The following TRMT44 variants were observed in gnomAD, a reference collection of about 807,000 sequenced individuals.
TRMT44 encodes the protein tRNA methyltransferase 44 homolog.
A neutral mutation model predicts 77.3 loss-of-function variants in TRMT44; 78 were observed. That is an observed-to-expected ratio of 1.01 (90% CI 0.84 to 1.22). The LOEUF (loss-of-function observed/expected upper bound fraction) is 1.22, where lower values mean the gene tolerates loss of function less well. TRMT44 is among the 50% of genes most tolerant of loss of function. TRMT44 has a pLI of 0.00. For missense variants in TRMT44, 1,090 were observed against 964.4 expected (o/e 1.13, Z -1.73); for synonymous variants, 391 against 383.3 (o/e 1.02, Z -0.23).
downstream of TRMT44, among the ~76,000 whole-genome samples, chr4:8,497,026 G>A (rs1283197147): frequency 1.3e-5 from 2 of 151,648 alleles, no homozygotes; most frequent in African/African-American, 4.8e-5. Context: ...GCAAGGCAAG[G>A]GCTAAAAAGA....
chr4:8,459,826 G>A (rs569890646), intron 6 of TRMT44, among the ~76,000 whole-genome samples: 6 of 152,358 alleles, frequency 3.9e-5, no homozygotes, highest in Non-Finnish European at 8.8e-5. Context: ...ATGGTCATGG[G>A]AAGGGGTGGG....
intron 9 of TRMT44, among the ~76,000 whole-genome samples, chr4:8,469,973 A>G (rs566790228): frequency 5.3e-5 from 8 of 152,328 alleles, no homozygotes; most frequent in Non-Finnish European, 1.2e-4. Flanking sequence ...TGCCCTCAAG[A>G]GGCTCCAAGT....
the TRMT44 span, among the ~76,000 whole-genome samples, chr4:8,500,681 G>C: frequency 6.7e-6 from 1 of 148,576 alleles, no homozygotes; most frequent in African/African-American, 2.5e-5. Flanking sequence ...TTTTGAGGCA[G>C]AGTCTCACTC....
chr4:8,513,786 C>T, the TRMT44 span, among the ~76,000 whole-genome samples: 4 of 152,174 alleles, frequency 2.6e-5, no homozygotes, highest in East Asian at 7.7e-4. Flanking sequence ...AAAGGTGTCT[C>T]ATCTTGATCA....
In TRMT44 at chr4:8,475,955, C is replaced by G. The variant is rs34867053; in HGVS notation, c.2228C>G (p.Ala743Gly). The G allele has an allele frequency of 6.8e-6, 11 of 1,613,988 alleles. No homozygotes were observed. In the Admixed American group the frequency reaches 1.0e-4, roughly 15 times the overall value. ...TGCTGCCCGTTTGCCCATGGGCCTG[C>G]GGAGCTGCGGCCACCCCGGACCACC... ...TDCCPFAHGPAELRPPRTTPR... is the reference protein window; with the variant it reads ...TDCCPFAHGPGELRPPRTTPR... Residue 743 changes from alanine to glycine, a missense_variant, in exon 11 of 11, where the codon GCG (alanine) becomes GGG (glycine). Coordinates refer to ENST00000389737, the MANE Select transcript of TRMT44 (RefSeq NM_152544.3).
chr4:8,466,661 T>A (rs1359363859), intron 8 of TRMT44, among the ~76,000 whole-genome samples: 1 of 152,234 alleles, frequency 6.6e-6, no homozygotes, highest in African/African-American at 2.4e-5. Context: ...CTGCTAAAGT[T>A]TGGGTCCTCT....
In TRMT44 at chr4:8,446,201, T is replaced by C. The variant is rs995355712; in HGVS notation, c.620-275T>C. ...TCTGATTGTAGCTCTCAAGTTCCAATAGAGTCCACATTGGCTGGCTCTTCC... is the reference window on the plus strand; with the variant it reads ...TCTGATTGTAGCTCTCAAGTTCCAACAGAGTCCACATTGGCTGGCTCTTCC... On this transcript the variant is annotated intron_variant, in intron 1 of 10. Transcript: ENST00000389737. The surrounding 1 kb of genome is among the most constrained non-coding windows in gnomAD (Gnocchi z 4.3). Among the ~76,000 whole-genome samples the C allele has an allele frequency of 3.9e-5, 6 of 152,192 alleles. No individual in the cohort carries two copies. The highest frequency in any genetic ancestry group is 1.4e-4 in the African/African-American group (6 of 41,444).
chr4:8,457,358 G>A (rs1004244634), intron 6 of TRMT44, among the ~76,000 whole-genome samples: 23 of 152,164 alleles, frequency 1.5e-4, no homozygotes, highest in African/African-American at 5.5e-4. Context: ...GTTTCATCAA[G>A]GCTTTGTCTC....
rs369953073 is a variant in TRMT44 at position 8,468,013 on chromosome 4, G to A, written c.1594G>A (p.Val532Ile). ...CATTAAGAGCAGGCGGGGCTGCCCT[G>A]TAAGCCCACCTGGCTGGGAGCTTTC... is the stretch of plus-strand genomic sequence containing the variant. ...QYIKSRRGCP[V>I]SPPGWELSPS... Residue 532 changes from valine to isoleucine, a missense_variant, in exon 9 of 11, where the codon GTA becomes ATA. Coordinates refer to ENST00000389737, the MANE Select transcript of TRMT44 (RefSeq NM_152544.3). The A allele has an allele frequency of 1.2e-6, 2 of 1,613,954 alleles. No individual in the cohort carries two copies. Among genetic ancestry groups the A allele is most frequent in the African/African-American group, 1.3e-5 (1 of 74,952 alleles).
intron 7 of TRMT44, among the ~76,000 whole-genome samples, chr4:8,465,084 G>T (rs1360431600): frequency 6.6e-6 from 1 of 152,012 alleles, no homozygotes; most frequent in South Asian, 2.1e-4. Flanking sequence ...TGAGGGAGAG[G>T]GCAGAGTTTG....
the TRMT44 span, among the ~76,000 whole-genome samples, chr4:8,514,324 G>A: frequency 1.4e-5 from 2 of 144,140 alleles, no homozygotes; most frequent in East Asian, 4.1e-4. Context: ...GTGTGATCTC[G>A]GCTCACTGCA....
the TRMT44 span, among the ~76,000 whole-genome samples, chr4:8,505,965 C>CTTA: frequency 6.6e-6 from 1 of 152,230 alleles, no homozygotes; most frequent in Non-Finnish European, 1.5e-5. Context: ...GACTCCCCAA[C>CTTA]CATGTGGAAC....
In TRMT44 at chr4:8,471,071, C is replaced by T. The variant is rs763581223; in HGVS notation, c.1928-13C>T. 2.4e-5 allele frequency: 37 copies of T among 1,566,018 alleles called. No individual in the cohort carries two copies. Among genetic ancestry groups the T allele is most frequent in the East Asian group, 4.5e-5 (2 of 44,362 alleles). On this transcript the variant is annotated splice_polypyrimidine_tract_variant and intron_variant, in intron 9 of 10. Coordinates refer to ENST00000389737, the MANE Select transcript of TRMT44 (RefSeq NM_152544.3). ...TGTTGTTTTGGGGAAAAAAAAAACCCGTTTTTCCACAGAGAGCCTATCTCT... is the reference window on the plus strand; with the variant it reads ...TGTTGTTTTGGGGAAAAAAAAAACCTGTTTTTCCACAGAGAGCCTATCTCT...
chr4:8,507,675 A>T, the TRMT44 span, among the ~76,000 whole-genome samples: 2 of 152,098 alleles, frequency 1.3e-5, no homozygotes, highest in African/African-American at 4.8e-5. Flanking sequence ...GCTTGCTGGG[A>T]TCCTGGGTCC....
the TRMT44 span, among the ~76,000 whole-genome samples, chr4:8,514,306 G>C: frequency 1.4e-5 from 2 of 147,678 alleles, no homozygotes; most frequent in South Asian, 2.1e-4. Context: ...TCAGGCTGGA[G>C]TGCAGTGGTG....
At chr4:8,493,932 C>A (rs1325229663), downstream of TRMT44, among the ~76,000 whole-genome samples, 1 of 150,330 alleles carries the variant, frequency 6.7e-6, no homozygotes, top group South Asian at 2.2e-4. Flanking sequence ...ATGACTCTTA[C>A]TGGTCTCTTA....
chr4:8,475,691 C>T (rs1034089623), intron 10 of TRMT44, 81 bp from the exon 11 acceptor site: 93 of 1,344,732 alleles, frequency 6.9e-5, no homozygotes, highest in East Asian at 6.0e-4. Context: ...CCTCCCGTGG[C>T]GTGGGAGCTA....
rs1727378387 is a variant in TRMT44, at chr4:8,476,258, T to C, written c.*257T>C. 7.3e-6 allele frequency: 4 copies of C among 545,590 alleles called. No homozygotes were observed. In the East Asian group the frequency reaches 1.2e-4, roughly 17 times the overall value. 33.8% of individuals were successfully genotyped at this position (545,590 alleles called of 1,614,324 possible). ...TTGAAACGTGCGCAGCATCTTCATA[T>C]CATAAAGATTGTGCACGGATCCTTA... On this transcript the variant is annotated 3_prime_UTR_variant, in exon 11 of 11. Coordinates refer to ENST00000389737, the MANE Select transcript of TRMT44 (RefSeq NM_152544.3).
the TRMT44 span, among the ~76,000 whole-genome samples, chr4:8,502,623 CTTG>C: frequency 1.3e-5 from 2 of 151,902 alleles, no homozygotes; most frequent in Admixed American, 6.6e-5. Flanking sequence ...TGGCCAGAGA[CTTG>C]TTGTGCCTCA....
Sources: allele counts gnomAD v4.1 joint callset (sites outside exome capture counted in the v4.1 genomes callset), GRCh38; gene constraint gnomAD v4.1.1; non-coding constraint Gnocchi (gnomAD v3.1); transcripts MANE v1.5; gene names NCBI Gene and HGNC (gene_info 2026-07-23, HGNC 2026-07-21).